The following NINL variants were observed in gnomAD, a reference collection of about 807,000 sequenced individuals.
NINL encodes ninein like.
Under a neutral mutation model 160.3 loss-of-function variants are expected in NINL, and 153 were observed. The ratio of observed to expected loss-of-function variants is 0.95; its 90% CI spans 0.84 to 1.09. NINL has a LOEUF of 1.09. NINL is among the 50% of genes least tolerant of loss of function. NINL has a pLI of 0.00. For missense variants in NINL, 1,829 were observed against 1,764.0 expected, an observed-to-expected ratio of 1.04 and a Z score of -0.66; for synonymous variants, 800 against 734.8, an observed-to-expected ratio of 1.09 and a Z score of -1.43.
chr20:25,575,182 C>G (rs537677779), intron 1 of NINL, among the ~76,000 whole-genome samples: 1 of 152,142 alleles, frequency 6.6e-6, no homozygotes, highest in Non-Finnish European at 1.5e-5. Context: ...GGTGCGGTGG[C>G]TCACACCTGT....
chr20:25,472,089 G>T (rs1255169007), intron 17 of NINL, among the ~76,000 whole-genome samples: 1 of 151,932 alleles, frequency 6.6e-6, no homozygotes, highest in Admixed American at 6.6e-5. Flanking sequence ...GGACCAAACA[G>T]AATTTTTAGA....
intron 1 of NINL, among the ~76,000 whole-genome samples, chr20:25,578,246 T>C (rs1252676093): frequency 2.0e-5 from 3 of 151,692 alleles, no homozygotes; most frequent in African/African-American, 7.3e-5. Context: ...TAGCTGGGAT[T>C]ACAGGTGTGC....
chr20:25,552,934 G>T (rs2064822396), intron 1 of NINL, among the ~76,000 whole-genome samples: 1 of 152,174 alleles, frequency 6.6e-6, no homozygotes, highest in Non-Finnish European at 1.5e-5. Context: ...AAGAAAGGCT[G>T]AGCTGAGACA....
At position 25,467,471 on chromosome 20, in the gene NINL, C is replaced by G. The variant is rs747591414; in HGVS notation, c.3354-13G>C. The G allele has an allele frequency of 1.9e-6, 3 of 1,608,018 alleles. No homozygotes were observed. The South Asian group carries it at 3.3e-5, about 18-fold the overall frequency. ...CTCAATTTCCTTCCTGTTGAAGAAG[C>G]ACAATTAACAGTGATACCACTTGTG... On this transcript the variant is annotated splice_polypyrimidine_tract_variant and intron_variant, in intron 18 of 23. Coordinates refer to ENST00000278886, the MANE Select transcript of NINL (RefSeq NM_025176.6).
chr20:25,568,159 T>C (rs2036966084), intron 1 of NINL, among the ~76,000 whole-genome samples: 1 of 151,392 alleles, frequency 6.6e-6, no homozygotes, highest in Non-Finnish European at 1.5e-5. Context: ...TTCAATAAAA[T>C]TGATAAACCT....
intron 1 of NINL, among the ~76,000 whole-genome samples, chr20:25,578,082 T>A (rs2065136242): frequency 6.6e-6 from 1 of 151,708 alleles, no homozygotes; most frequent in Non-Finnish European, 1.5e-5. Flanking sequence ...TCTGCCTGCC[T>A]CGGCCTCCCA....
At chr20:25,524,652 T>C (rs1469058820) in intron 2 of NINL, among the ~76,000 whole-genome samples, 1 of 152,190 alleles carries the variant, frequency 6.6e-6, no homozygotes, top group East Asian at 1.9e-4. Flanking sequence ...CCCAAGCGAA[T>C]TTCTCTCCTT....
chr20:25,511,516 G>T (rs954981780), intron 4 of NINL, among the ~76,000 whole-genome samples: 2 of 152,214 alleles, frequency 1.3e-5, no homozygotes, highest in African/African-American at 4.8e-5. Context: ...GCTGGCACTG[G>T]CTCTGATCAG....
At chr20:25,579,749 A>C (rs1369275757) in intron 1 of NINL, among the ~76,000 whole-genome samples, 1 of 152,326 alleles carries the variant, frequency 6.6e-6, no homozygotes, top group African/African-American at 2.4e-5. Context: ...TGTGTGCAGA[A>C]GAGAAGCCAC....
At chr20:25,543,844 ATGGCAAACCTCTAGCCGGAGGTTT>A (rs1568957062) in intron 1 of NINL, among the ~76,000 whole-genome samples, 1 of 152,080 alleles carries the variant, frequency 6.6e-6, no homozygotes, top group East Asian at 1.9e-4. Context: ...GAAGTGGCCA[ATGGCAAACCTCTAGCCGGAGGTTT>A]CTGGACAGGA....
chr20:25,462,760 TCCTCCCACCTCAG>T, intron 19 of NINL: 1 of 413,870 alleles, frequency 2.4e-6, no homozygotes, highest in Non-Finnish European at 4.3e-6. Flanking sequence ...GCTCAGGCGA[TCCTCCCACCTCAG>T]CCTCCCAAGT....
Position 25,477,051 on chromosome 20 carries a change from C to A in NINL, c.2240G>T (p.Gly747Val), listed in dbSNP as rs769108338. The change falls in exon 17 of 24, where the codon GGG becomes GTG. Residue 747 changes from glycine (G) to valine (V), a missense_variant. Gly to Val is a moderately radical substitution (Grantham distance 109). Coordinates refer to ENST00000278886, the MANE Select transcript of NINL (RefSeq NM_025176.6). ...AEAELSGELS[G>V]LGALPARRDL... ...TCTGCGAGCGGGCAGGGCTCCCAGC[C>A]CCGACAGCTCTCCACTCAGCTCCGC... 2.5e-6 allele frequency: 4 copies of A among 1,598,436 alleles called. No homozygotes were observed. Among genetic ancestry groups the A allele is most frequent in the African/African-American group, 2.7e-5 (2 of 74,908 alleles).
intron 14 of NINL, 26 bp from the exon 15 acceptor site, chr20:25,480,293 T>C: frequency 2.5e-6 from 4 of 1,598,318 alleles, no homozygotes; most frequent in Non-Finnish European, 2.6e-6. Flanking sequence ...CACTTCCGTT[T>C]GTCACACTGA....
At chr20:25,462,618 T>C (rs2062819816) in intron 19 of NINL, 77 bp from the exon 20 acceptor site, 3 of 1,260,620 alleles carry the variant, frequency 2.4e-6, no homozygotes, top group Non-Finnish European at 3.3e-6. Context: ...TGCCCATCAT[T>C]GGCTATATTT....
chr20:25,460,426 C>T (rs1422337081), intron 21 of NINL, among the ~76,000 whole-genome samples: 1 of 152,166 alleles, frequency 6.6e-6, no homozygotes, highest in Non-Finnish European at 1.5e-5. Context: ...TGGTGGCAGG[C>T]GTGGCCCCAG....
At chr20:25,583,065 G>A (rs977204066) in intron 1 of NINL, among the ~76,000 whole-genome samples, 2 of 152,134 alleles carry the variant, frequency 1.3e-5, no homozygotes, top group South Asian at 4.1e-4. Flanking sequence ...TCAGGACATA[G>A]GCATGGGCAA....
At chr20:25,538,189 A>G (rs1205191336) in intron 1 of NINL, among the ~76,000 whole-genome samples, 8 of 152,146 alleles carry the variant, frequency 5.3e-5, no homozygotes, top group Admixed American at 5.2e-4. Flanking sequence ...CACCTCAGGC[A>G]CTGTCCTGAG....
chr20:25,549,887 C>G (rs1297432878), intron 1 of NINL, among the ~76,000 whole-genome samples: 1 of 152,190 alleles, frequency 6.6e-6, no homozygotes, highest in Non-Finnish European at 1.5e-5. Flanking sequence ...AAGGTTCTAG[C>G]TAAACCTGCC....
chr20:25,574,650 T>C, intron 1 of NINL, among the ~76,000 whole-genome samples: 1 of 152,114 alleles, frequency 6.6e-6, no homozygotes, highest in Non-Finnish European at 1.5e-5. Context: ...GGTGGCTAAA[T>C]ATCAGGTTTC....
Sources: gnomAD v4.1 joint callset for allele counts (sites outside exome capture counted in the v4.1 genomes callset) on GRCh38, gnomAD v4.1.1 for gene constraint, MANE v1.5 for transcripts, NCBI Gene and HGNC (gene_info 2026-07-23, HGNC 2026-07-21) for gene names.